The following GRIA2 variants were observed in gnomAD, a reference collection of about 807,000 sequenced individuals.
GRIA2 encodes the protein glutamate ionotropic receptor AMPA type subunit 2.
GRIA2 carries 14 observed loss-of-function variants against 97.3 expected under a neutral mutation model. The observed-to-expected ratio is 0.14, with a 90% CI of 0.10 to 0.23. GRIA2 has a LOEUF of 0.23. GRIA2 is among the 10% of genes least tolerant of loss of function. GRIA2 has a pLI of 1.00. For synonymous variants in GRIA2, 412 were observed against 387.8 expected (o/e 1.06, Z -0.73); for missense variants, 558 against 1,069.8 (o/e 0.52, Z 6.67).
chr4:157,249,081 T>C (rs1054265327), intron 2 of GRIA2, among the ~76,000 whole-genome samples: 3 of 152,106 alleles, frequency 2.0e-5, no homozygotes, highest in African/African-American at 7.2e-5. Flanking sequence ...GTGATCCTCC[T>C]GCCTCAGCCT....
intron 12 of GRIA2, among the ~76,000 whole-genome samples, chr4:157,357,646 A>G (rs1579392148): frequency 6.6e-6 from 1 of 152,158 alleles, no homozygotes; most frequent in African/African-American, 2.4e-5. Context: ...TTATAAAAAA[A>G]TGACTAACAG....
At chr4:157,346,864 C>T (rs1489028442) in intron 12 of GRIA2, among the ~76,000 whole-genome samples, 2 of 152,104 alleles carry the variant, frequency 1.3e-5, no homozygotes, top group African/African-American at 4.8e-5. Context: ...AAAATCATTT[C>T]CTCTCTGGTT....
chr4:157,361,219 C>G lies in GRIA2; in HGVS notation c.2406+95C>G, dbSNP rs986986845. The G allele has an allele frequency of 2.7e-5, 24 of 902,366 alleles. No individual in the cohort carries two copies. The African/African-American group carries it at 3.3e-4, about 12-fold the overall frequency. The allele number at this position is 902,366 out of a possible 1,614,324, so 55.9% of individuals were successfully genotyped here. Reference sequence around the variant, plus strand: ...TGGGCACTCCGTGCCACCAAGTTTCCAACGCTAAGCTGAAGAGTGCAATTG... The same window carrying G: ...TGGGCACTCCGTGCCACCAAGTTTCGAACGCTAAGCTGAAGAGTGCAATTG... On this transcript the variant is annotated intron_variant, in intron 14 of 15. Transcript: ENST00000264426. The surrounding 1 kb of genome is among the most constrained non-coding windows in gnomAD (Gnocchi z 5.2).
intron 2 of GRIA2, among the ~76,000 whole-genome samples, chr4:157,259,192 C>A (rs1349217870): frequency 5.9e-5 from 9 of 152,070 alleles, no homozygotes; most frequent in Admixed American, 5.9e-4. Context: ...TGAGCCACTG[C>A]ACTCCAGCCT....
chr4:157,316,018 G>T (rs963462248), intron 4 of GRIA2, among the ~76,000 whole-genome samples: 1 of 152,132 alleles, frequency 6.6e-6, no homozygotes, highest in African/African-American at 2.4e-5. Context: ...TTATATAGAT[G>T]CTGGGGTAGA....
chr4:157,297,140 T>A (rs2126850266), intron 2 of GRIA2, among the ~76,000 whole-genome samples: 1 of 152,244 alleles, frequency 6.6e-6, no homozygotes, highest in African/African-American at 2.4e-5. Flanking sequence ...AGCCATCTAG[T>A]CAATAGATGT....
intron 2 of GRIA2, among the ~76,000 whole-genome samples, chr4:157,299,295 G>A (rs773651679): frequency 5.8e-4 from 88 of 152,056 alleles, no homozygotes; most frequent in Admixed American, 1.0e-3. Context: ...TGGGGTTAAT[G>A]TCACAAGTTT....
Position 157,298,611 on chromosome 4 carries a change from C to CTTTTTTT in GRIA2, c.230-4920_230-4914dup, listed in dbSNP as rs67497887. On this transcript the variant is annotated intron_variant, in intron 2 of 15. Coordinates refer to ENST00000264426, the MANE Select transcript of GRIA2 (RefSeq NM_001083619.3). ...TGGAAGGTGACAGATTGAAGCTAAG[C>CTTTTTTT]TTTTTTTTTTTTTTTTTTTTTTTTT... 3.8e-4 allele frequency among the ~76,000 whole-genome samples: 13 copies of CTTTTTTT among 34,322 alleles called. 3 individuals are homozygous for CTTTTTTT. The highest frequency in any genetic ancestry group is 6.0e-4 in the African/African-American group (5 of 8,278). 22.5% of individuals were successfully genotyped at this position (34,322 alleles called of 152,430 possible).
At chr4:157,301,305 A>T (rs896806870) in intron 2 of GRIA2, among the ~76,000 whole-genome samples, 4 of 152,258 alleles carry the variant, frequency 2.6e-5, no homozygotes, top group African/African-American at 4.8e-5. Context: ...GGACATAGTT[A>T]TCAAATACAC....
intron 4 of GRIA2, among the ~76,000 whole-genome samples, chr4:157,314,234 G>T (rs545440803): frequency 6.6e-6 from 1 of 152,228 alleles, no homozygotes; most frequent in South Asian, 2.1e-4. Flanking sequence ...GCATTTCTTG[G>T]CTCTTCTAGC....
At chr4:157,339,145 T>C (rs565474775) in intron 11 of GRIA2, among the ~76,000 whole-genome samples, 5 of 152,032 alleles carry the variant, frequency 3.3e-5, no homozygotes, top group Middle Eastern at 3.4e-3. Flanking sequence ...ATCACAGAAA[T>C]TATGAGAGCA....
chr4:157,345,731 C>T (rs953892622), intron 12 of GRIA2, among the ~76,000 whole-genome samples: 1 of 152,068 alleles, frequency 6.6e-6, no homozygotes, highest in Non-Finnish European at 1.5e-5. Flanking sequence ...GTGCTGTCTC[C>T]CACACTGCAA....
intron 12 of GRIA2, among the ~76,000 whole-genome samples, chr4:157,343,403 C>A (rs1045783345): frequency 4.6e-5 from 7 of 152,012 alleles, no homozygotes; most frequent in African/African-American, 1.7e-4. Context: ...ATGCTGAGGT[C>A]TTTTCCTCCT....
In GRIA2 at chr4:157,222,091, G is replaced by C. The variant is rs1450261234; in HGVS notation, c.229+284G>C. On this transcript the variant is annotated intron_variant, in intron 2 of 15. Transcript: ENST00000264426. Reference sequence around the variant, plus strand: ...TGGAGCCAGGGAGGGCGGCTTTCTTGGGTTCAAGGGGTTTTCGCTCATCTT... The same window carrying C: ...TGGAGCCAGGGAGGGCGGCTTTCTTCGGTTCAAGGGGTTTTCGCTCATCTT... Among the ~76,000 whole-genome samples the C allele has an allele frequency of 2.0e-5, 3 of 152,220 alleles. No homozygotes were observed. The East Asian group carries it at 5.8e-4, about 30-fold the overall frequency.
intron 2 of GRIA2, among the ~76,000 whole-genome samples, chr4:157,281,158 A>T (rs1425440354): frequency 6.6e-6 from 1 of 152,150 alleles, no homozygotes; most frequent in Non-Finnish European, 1.5e-5. Flanking sequence ...TAATTTAATA[A>T]CAGAAACAGG....
At chr4:157,328,339 C>A (rs1029305088) in intron 6 of GRIA2, among the ~76,000 whole-genome samples, 1 of 152,006 alleles carries the variant, frequency 6.6e-6, no homozygotes, top group African/African-American at 2.4e-5. Flanking sequence ...GTTAACATTT[C>A]AAATTTTTGC....
At chr4:157,329,262 A>T (rs975575087) in intron 6 of GRIA2, among the ~76,000 whole-genome samples, 4 of 151,920 alleles carry the variant, frequency 2.6e-5, no homozygotes, top group African/African-American at 9.7e-5. Flanking sequence ...ACCCTGTTTT[A>T]AATTATTTTG....
chr4:157,296,732 G>A (rs1213431510), intron 2 of GRIA2, among the ~76,000 whole-genome samples: 1 of 152,036 alleles, frequency 6.6e-6, no homozygotes, highest in Non-Finnish European at 1.5e-5. Flanking sequence ...TTCATAATTA[G>A]GGAGGATCAT....
At chr4:157,222,500 G>A (rs556060261) in intron 2 of GRIA2, among the ~76,000 whole-genome samples, 17 of 152,274 alleles carry the variant, frequency 1.1e-4, no homozygotes, top group Admixed American at 2.0e-4. Context: ...CGGTGGAAAG[G>A]GGGAGCGCTG....
Sources: allele counts gnomAD v4.1 joint callset (sites outside exome capture counted in the v4.1 genomes callset), GRCh38; gene constraint gnomAD v4.1.1; non-coding constraint Gnocchi (gnomAD v3.1); transcripts MANE v1.5; gene names NCBI Gene and HGNC (gene_info 2026-07-23, HGNC 2026-07-21).